The following CRB1 variants were observed in gnomAD, a reference collection of about 807,000 sequenced individuals.
CRB1 encodes the protein protein crumbs homolog 1.
CRB1 carries 83 observed loss-of-function variants against 120.0 expected under a neutral mutation model. The observed-to-expected ratio is 0.69, with a 90% CI of 0.58 to 0.83. CRB1 has a LOEUF of 0.83. Ranked by LOEUF, CRB1 falls within the 40% of genes least tolerant of loss-of-function variation. The pLI is 0.00. For synonymous variants in CRB1, 625 were observed against 612.5 expected (o/e 1.02, Z -0.30); for missense variants, 1,699 against 1,687.6 (o/e 1.01, Z -0.12).
chr1:197,354,838 GCCCA>G lies in CRB1; in HGVS notation c.989-1989_989-1986del, dbSNP rs1558076336. The stretch of plus-strand genomic sequence containing the variant: ...CCCCGCCCCCCCACCCCCCCCCCCC[GCCCA>G]CCCCCCCCCCCCCGCCCACCCACCC... On this transcript the variant is annotated intron_variant, in intron 4 of 11. Coordinates refer to ENST00000367400, the MANE Select transcript of CRB1 (RefSeq NM_201253.3). 1.1e-3 allele frequency among the ~76,000 whole-genome samples: 16 copies of G among 14,966 alleles called. 1 individual carries two copies. Among genetic ancestry groups the G allele is most frequent in the Non-Finnish European group, 1.1e-3 (10 of 8,888 alleles). 9.8% of individuals were successfully genotyped at this position (14,966 alleles called of 152,430 possible). A position where few individuals can be genotyped will look rare whatever the true frequency, so the allele number is the denominator to read the frequency against.
chr1:197,347,461 A>G lies in CRB1; in HGVS notation c.970A>G (p.Thr324Ala). The G allele has an allele frequency of 6.2e-7, 1 of 1,614,184 alleles. No individual in the cohort carries two copies. The highest frequency in any genetic ancestry group is 1.7e-4 in the Middle Eastern group (1 of 6,060). Residue 324 changes from threonine (T) to alanine (A), a missense_variant, in exon 4 of 12, where the codon ACT (threonine) becomes GCT (alanine). By Grantham distance (58) the Thr-to-Ala change is moderately conservative (BLOSUM62 0). Transcript: ENST00000367400. ...ATGTGAGGACAGTGTTGACAATTAC[A>G]CTTGTCACTGCTGGCCTGGTGAGTG... Reference protein sequence around the residue: ...ATCEDSVDNYTCHCWPGYTGA... With the variant: ...ATCEDSVDNYACHCWPGYTGA...
chr1:197,457,762 A>G (rs10494753), intron 11 of CRB1, among the ~76,000 whole-genome samples: 1 of 152,096 alleles, frequency 6.6e-6, no homozygotes, highest in South Asian at 2.1e-4. Context: ...GAAGAACAAA[A>G]AGCACATTTC....
Position 197,477,948 on chromosome 1 carries a change from T to A in CRB1, c.*69T>A. 2 of 1,373,230 alleles carry A rather than the reference T, an allele frequency of 1.5e-6. No individual in the cohort carries two copies. Among genetic ancestry groups the A allele is most frequent in the Non-Finnish European group, 2.1e-6 (2 of 961,468 alleles). The allele number at this position is 1,373,230 out of a possible 1,614,324, so 85.1% of individuals were successfully genotyped here. A position where few individuals can be genotyped will look rare whatever the true frequency, so the allele number is the denominator to read the frequency against. ...GTGATGACTGTACTTCAGGTATCTC[T>A]GACATACCTGACAATGTTAATCTGC... On this transcript the variant is annotated 3_prime_UTR_variant, in exon 12 of 12. Coordinates refer to ENST00000367400, the MANE Select transcript of CRB1 (RefSeq NM_201253.3).
At chr1:197,401,411 C>G (rs764434116) in intron 5 of CRB1, among the ~76,000 whole-genome samples, 1 of 152,050 alleles carries the variant, frequency 6.6e-6, no homozygotes, top group Non-Finnish European at 1.5e-5. Context: ...CTATGTAAGA[C>G]AAAGAATTTA....
intron 3 of CRB1, among the ~76,000 whole-genome samples, 170 bp from the exon 4 acceptor site, chr1:197,347,170 A>G (rs1659822079): frequency 1.3e-5 from 2 of 152,222 alleles, no homozygotes; most frequent in Admixed American, 6.5e-5. Context: ...TAAGACATTA[A>G]TATGGAAATA....
intron 5 of CRB1, among the ~76,000 whole-genome samples, chr1:197,366,704 G>T (rs1661094867): frequency 6.6e-6 from 1 of 152,164 alleles, no homozygotes; most frequent in South Asian, 2.1e-4. Flanking sequence ...GAGGAATCAA[G>T]ACCCCCTGAA....
At chr1:197,224,323 A>G in the CRB1 span, among the ~76,000 whole-genome samples, 932 of 152,300 alleles carry the variant, frequency 6.1e-3, 11 homozygotes, top group African/African-American at 0.022. Context: ...AATTTTAGAC[A>G]GAAGCGACTT....
At chr1:197,363,990 A>G in intron 5 of CRB1, 2 of 1,387,598 alleles carry the variant, frequency 1.4e-6, no homozygotes, top group Non-Finnish European at 2.0e-6. Flanking sequence ...AAAGCTATGA[A>G]AAGTGCCGGC....
intron 1 of CRB1, among the ~76,000 whole-genome samples, chr1:197,314,890 C>A (rs745825458): frequency 2.0e-5 from 3 of 152,160 alleles, no homozygotes; most frequent in Non-Finnish European, 1.5e-5. Context: ...CCCTCAGAGA[C>A]CCATGATGAT....
intron 11 of CRB1, among the ~76,000 whole-genome samples, chr1:197,446,691 AAAG>A (rs749497147): frequency 1.3e-5 from 2 of 152,244 alleles, no homozygotes; most frequent in Non-Finnish European, 2.9e-5. Context: ...AGTGATAAAG[AAAG>A]AAGGAGAATT....
intron 1 of CRB1, among the ~76,000 whole-genome samples, chr1:197,308,136 A>G (rs1056397967): frequency 6.6e-6 from 1 of 152,246 alleles, no homozygotes; most frequent in African/African-American, 2.4e-5. Context: ...ATTTGCAGCA[A>G]CATGGATGGA....
chr1:197,476,402 G>GCA (rs1307147308), intron 11 of CRB1, among the ~76,000 whole-genome samples: 13 of 151,142 alleles, frequency 8.6e-5, no homozygotes, highest in Admixed American at 2.0e-4. Flanking sequence ...GTGTGTGCGC[G>GCA]TCTTCCTCTT....
chr1:197,384,398 C>A (rs781512148), intron 5 of CRB1, among the ~76,000 whole-genome samples: 1 of 152,158 alleles, frequency 6.6e-6, no homozygotes, highest in Non-Finnish European at 1.5e-5. Flanking sequence ...AACAATGGAT[C>A]CACTTTCCAA....
chr1:197,469,196 A>G (rs894000246), intron 11 of CRB1, among the ~76,000 whole-genome samples: 2 of 152,170 alleles, frequency 1.3e-5, no homozygotes, highest in African/African-American at 2.4e-5. Context: ...CTCCAGCCTG[A>G]GCGACAGAGT....
chr1:197,222,774 G>A, the CRB1 span: 2 of 1,160,666 alleles, frequency 1.7e-6, no homozygotes, highest in Non-Finnish European at 2.6e-6. Context: ...TGAACTCCAA[G>A]TGCTACATGA....
chr1:197,237,867 A>G, the CRB1 span, among the ~76,000 whole-genome samples: 1 of 151,112 alleles, frequency 6.6e-6, no homozygotes, highest in African/African-American at 2.4e-5. Flanking sequence ...GCTCTTTATT[A>G]TTTTCTTCTT....
At chr1:197,389,606 G>A (rs1485127861) in intron 5 of CRB1, among the ~76,000 whole-genome samples, 1 of 152,074 alleles carries the variant, frequency 6.6e-6, no homozygotes, top group East Asian at 1.9e-4. Flanking sequence ...TTCTGGAGAT[G>A]GATGGTGGTG....
chr1:197,356,039 G>T (rs1328690174), intron 4 of CRB1, among the ~76,000 whole-genome samples: 2 of 152,226 alleles, frequency 1.3e-5, no homozygotes, highest in Non-Finnish European at 2.9e-5. Flanking sequence ...TTAAGGCATG[G>T]CACATCTATA....
rs566799158 is a variant in CRB1 at position 197,357,822 on chromosome 1, T to A, written c.1171+809T>A. The stretch of plus-strand genomic sequence containing the variant: ...AGGATTCTCTTTCAATGTTTCAGTT[T>A]TGAAATTTAATGGTCTTTGATTTGT... On this transcript the variant is annotated intron_variant, in intron 5 of 11. Transcript: ENST00000367400. 3.9e-5 allele frequency: 6 copies of A among 152,392 alleles called. No individual in the cohort carries two copies. In the South Asian group the frequency reaches 1.2e-3, roughly 31 times the overall value. 9.4% of individuals were successfully genotyped at this position (152,392 alleles called of 1,614,324 possible).
Sources: allele counts gnomAD v4.1 joint callset (sites outside exome capture counted in the v4.1 genomes callset), GRCh38; gene constraint gnomAD v4.1.1; transcripts MANE v1.5; gene names NCBI Gene and HGNC (gene_info 2026-07-23, HGNC 2026-07-21).